The following AFAP1 variants were observed in gnomAD, a reference collection of about 807,000 sequenced individuals.
AFAP1 encodes actin filament-associated protein 1.
AFAP1 carries 75 observed loss-of-function variants against 93.9 expected under a neutral mutation model. That is an observed-to-expected ratio of 0.80 (90% confidence interval 0.66 to 0.97). The LOEUF is 0.97. Among genes scored for constraint, AFAP1 ranks in the 50% least tolerant of loss-of-function variants. The probability of loss-of-function intolerance (pLI) is 0.00; values close to 1 mark genes in which losing one functional copy is unlikely to be tolerated. For missense variants in AFAP1, 1,201 were observed against 1,050.8 expected (o/e 1.14, Z -1.98); for synonymous variants, 517 against 430.7 (o/e 1.20, Z -2.48).
intron 1 of AFAP1, among the ~76,000 whole-genome samples, chr4:7,923,331 G>A (rs1253626530): frequency 1.3e-5 from 2 of 152,170 alleles, no homozygotes; most frequent in Non-Finnish European, 2.9e-5. Context: ...TGGCTTAAAC[G>A]TTAGTTTATT....
At chr4:7,833,800 G>A (rs1190459042) in intron 6 of AFAP1, among the ~76,000 whole-genome samples, 1 of 151,936 alleles carries the variant, frequency 6.6e-6, no homozygotes, top group Non-Finnish European at 1.5e-5. Flanking sequence ...GTGTTATCCA[G>A]GATAGTCCCG....
At position 7,874,390 on chromosome 4, in the gene AFAP1, G is replaced by T. The variant is rs546984276; in HGVS notation, c.-2-2310C>A. On this transcript the variant is annotated intron_variant, in intron 1 of 17. Transcript: ENST00000420658. ...TTTTTTTTTTTTTTTTTGAGACAGAGTCTTCCTTTGTCACCCAGGCTGGAG... is the reference window on the plus strand; with the variant it reads ...TTTTTTTTTTTTTTTTTGAGACAGATTCTTCCTTTGTCACCCAGGCTGGAG... Among the ~76,000 whole-genome samples, 16 of 120,830 alleles carry T rather than the reference G, an allele frequency of 1.3e-4. 1 individual carries two copies. The East Asian group carries it at 3.7e-3, about 28-fold the overall frequency. The allele number at this position is 120,830 out of a possible 152,430, so 79.3% of individuals were successfully genotyped here. A position where few individuals can be genotyped will look rare whatever the true frequency, so the allele number is the denominator to read the frequency against.
chr4:7,773,306 G>T, intron 15 of AFAP1: 1 of 356,442 alleles, frequency 2.8e-6, no homozygotes, highest in Non-Finnish European at 5.1e-6. Flanking sequence ...TTTAAAACGT[G>T]GACCCTAAAC....
At chr4:7,823,336 A>T (rs753216524) in intron 6 of AFAP1, among the ~76,000 whole-genome samples, 15 of 152,224 alleles carry the variant, frequency 9.9e-5, no homozygotes, top group Non-Finnish European at 2.1e-4. Context: ...GAAAAACAGA[A>T]GGAAAGAAAC....
At chr4:7,874,539 T>TTA (rs1484819883) in intron 1 of AFAP1, among the ~76,000 whole-genome samples, 2 of 98,450 alleles carry the variant, frequency 2.0e-5, no homozygotes, top group Non-Finnish European at 4.8e-5. Flanking sequence ...AATTTTTTTT[T>TTA]TTTTTTTTTT....
intron 11 of AFAP1, among the ~76,000 whole-genome samples, chr4:7,792,270 G>C (rs1369453079): frequency 6.6e-6 from 1 of 151,640 alleles, no homozygotes; most frequent in Non-Finnish European, 1.5e-5. Context: ...CGTTTATCTT[G>C]CACTAGGAAT....
intron 14 of AFAP1, 116 bp downstream of exon 14, chr4:7,778,646 G>T: frequency 1.0e-6 from 1 of 975,340 alleles, no homozygotes; most frequent in Non-Finnish European, 1.7e-6. Flanking sequence ...GGTGCCCACC[G>T]CTCCATCTCT....
rs753024667 is a variant in AFAP1 at position 7,772,855 on chromosome 4, C to A, written c.2218G>T (p.Ala740Ser). 1 of 1,614,016 alleles carries A rather than the reference C, an allele frequency of 6.2e-7. No homozygotes were observed. The highest frequency in any genetic ancestry group is 8.5e-7 in the Non-Finnish European group (1 of 1,179,986). Residue 740 changes from alanine (A) to serine (S), a missense_variant, in exon 16 of 18, where the codon GCC becomes TCC. By Grantham distance (99) the Ala-to-Ser change is moderately conservative. Transcript: ENST00000420658. Reference protein sequence around the residue: ...ALAGGVTLGLAIEPKSGTSSP... With the variant: ...ALAGGVTLGLSIEPKSGTSSP... ...GATGTCCCTGACTTGGGCTCGATGG[C>A]CAGCCCCAGGGTGACTCCGCCCGCC...
At chr4:7,841,646 AT>A (rs761495987) in intron 5 of AFAP1, among the ~76,000 whole-genome samples, 1 of 152,174 alleles carries the variant, frequency 6.6e-6, no homozygotes, top group Non-Finnish European at 1.5e-5. Flanking sequence ...TTTTATGCCA[AT>A]GGGGGTCATC....
chr4:7,914,307 G>A (rs1330216804), intron 1 of AFAP1, among the ~76,000 whole-genome samples: 7 of 152,000 alleles, frequency 4.6e-5, no homozygotes, highest in South Asian at 2.1e-4. Context: ...CACCCACCTC[G>A]GCCTCCCACA....
At chr4:7,845,252 ATC>A (rs1427986528) in intron 4 of AFAP1, among the ~76,000 whole-genome samples, 4 of 151,902 alleles carry the variant, frequency 2.6e-5, no homozygotes, top group Non-Finnish European at 5.9e-5. Context: ...GCGAGACCCT[ATC>A]TCTATAAAAA....
chr4:7,829,657 T>C (rs918743883), intron 6 of AFAP1, among the ~76,000 whole-genome samples: 8 of 152,186 alleles, frequency 5.3e-5, no homozygotes, highest in Non-Finnish European at 7.3e-5. Flanking sequence ...AGATTACAAC[T>C]AGACTGAGAT....
intron 3 of AFAP1, among the ~76,000 whole-genome samples, chr4:7,864,194 A>C (rs1716146931): frequency 6.6e-6 from 1 of 150,486 alleles, no homozygotes; most frequent in Non-Finnish European, 1.5e-5. Flanking sequence ...TAACCCCTGC[A>C]GACAATTCTG....
intron 1 of AFAP1, among the ~76,000 whole-genome samples, chr4:7,876,194 C>A (rs1717493151): frequency 6.6e-6 from 1 of 152,242 alleles, no homozygotes; most frequent in Non-Finnish European, 1.5e-5. Context: ...GCTCCCTCTA[C>A]AGTGCGACCA....
At chr4:7,920,732 A>G (rs957487583) in intron 1 of AFAP1, among the ~76,000 whole-genome samples, 1 of 152,226 alleles carries the variant, frequency 6.6e-6, no homozygotes, top group African/African-American at 2.4e-5. Context: ...TCGAATCTCT[A>G]TTTTGAAAGG....
rs1485247637 is a variant in AFAP1 at position 7,847,796 on chromosome 4, G to GGGGGGA, written c.335-4447_335-4446insTCCCCC. Among the ~76,000 whole-genome samples the GGGGGGA allele has an allele frequency of 1.1e-4, 11 of 101,244 alleles. 1 individual carries two copies. The highest frequency in any genetic ancestry group is 3.1e-4 in the African/African-American group (10 of 32,206). 66.4% of individuals were successfully genotyped at this position (101,244 alleles called of 152,430 possible). On this transcript the variant is annotated intron_variant, in intron 4 of 17. Coordinates refer to ENST00000420658, the MANE Select transcript of AFAP1 (RefSeq NM_001134647.2). ...AAGGTTCTATTTCAGGGGTACTCGG[G>GGGGGGA]GTGGGGCATTGATTAGATACCATCA...
chr4:7,885,024 C>G (rs1264777793), intron 1 of AFAP1, among the ~76,000 whole-genome samples: 1 of 152,210 alleles, frequency 6.6e-6, no homozygotes. Context: ...TTGACAAAGG[C>G]AGGACGCTGG....
intron 7 of AFAP1, among the ~76,000 whole-genome samples, chr4:7,818,566 G>A (rs944025305): frequency 4.6e-5 from 7 of 152,220 alleles, no homozygotes; most frequent in African/African-American, 1.2e-4. Flanking sequence ...AGCAGGGCCT[G>A]CGGCGTCACA....
chr4:7,904,081 T>C (rs557133357), intron 1 of AFAP1, among the ~76,000 whole-genome samples: 9 of 152,226 alleles, frequency 5.9e-5, no homozygotes, highest in African/African-American at 1.9e-4. Context: ...CAGCTTGCCA[T>C]AAACAGGCTT....
Sources: allele counts gnomAD v4.1 joint callset (sites outside exome capture counted in the v4.1 genomes callset), GRCh38; gene constraint gnomAD v4.1.1; transcripts MANE v1.5; gene names NCBI Gene and HGNC (gene_info 2026-07-23, HGNC 2026-07-21).